The following NAALADL1 variants were observed in gnomAD, a reference collection of about 807,000 sequenced individuals.
NAALADL1 encodes the protein N-acetylated alpha-linked acidic dipeptidase like 1, also known as aminopeptidase NAALADL1.
In NAALADL1, 77 loss-of-function variants were observed where a neutral mutation model predicts 82.8. The ratio of observed to expected loss-of-function variants is 0.93; its 90% CI spans 0.77 to 1.12. The LOEUF is 1.12. Among genes scored for constraint, NAALADL1 ranks in the 50% most tolerant of loss-of-function variants. The probability of loss-of-function intolerance (pLI) is 0.00; values close to 1 mark genes in which losing one functional copy is unlikely to be tolerated. For synonymous variants in NAALADL1, 358 were observed against 399.2 expected, an observed-to-expected ratio of 0.90 and a Z score of 1.23; for missense variants, 956 against 964.0, an observed-to-expected ratio of 0.99 and a Z score of 0.11.
Position 65,047,458 on chromosome 11 carries a change from G to A in NAALADL1, c.1599+17C>T, listed in dbSNP as rs748895817. On this transcript the variant is annotated intron_variant, in intron 13 of 17. Coordinates refer to ENST00000358658, the MANE Select transcript of NAALADL1 (RefSeq NM_005468.3). ...GCAGCAAGGTACCGAGGCAGGGACG[G>A]AGGGGCGCCTGCTCACCCGGTCATA... The A allele has an allele frequency of 6.4e-7, 1 of 1,553,160 alleles. No individual in the cohort carries two copies. Among genetic ancestry groups the A allele is most frequent in the Non-Finnish European group, 8.7e-7 (1 of 1,147,590 alleles).
In NAALADL1 at chr11:65,045,927, C is replaced by T. The variant is rs1946710487; in HGVS notation, c.1944-13G>A. 6.2e-7 allele frequency: 1 copy of T among 1,613,306 alleles called. No homozygotes were observed. Among genetic ancestry groups the T allele is most frequent in the African/African-American group, 1.3e-5 (1 of 74,920 alleles). On this transcript the variant is annotated splice_polypyrimidine_tract_variant and intron_variant, in intron 16 of 17. Transcript: ENST00000358658. ...GACCTGCAGGGGGCTGGTGGGGAGGCAGGAACTGCCAGTCACCCTGGAGCC... is the reference window on the plus strand; with the variant it reads ...GACCTGCAGGGGGCTGGTGGGGAGGTAGGAACTGCCAGTCACCCTGGAGCC...
chr11:65,057,608 C>T lies in NAALADL1; in HGVS notation c.481-115G>A, dbSNP rs1251455617. 5.0e-6 allele frequency: 7 copies of T among 1,404,666 alleles called. No homozygotes were observed. In the South Asian group the frequency reaches 5.7e-5, roughly 11 times the overall value. The allele number at this position is 1,404,666 out of a possible 1,614,324, so 87.0% of individuals were successfully genotyped here. On this transcript the variant is annotated intron_variant, in intron 3 of 17. Coordinates refer to ENST00000358658, the MANE Select transcript of NAALADL1 (RefSeq NM_005468.3). ...ATTTAGATTCTGTTCCCCCACCTCA[C>T]CCAGAGCTTGTAAGCTCCCCAAGAA... is the stretch of plus-strand genomic sequence containing the variant.
Position 65,045,244 on chromosome 11 carries a change from G to T in NAALADL1, c.*27C>A. The T allele has an allele frequency of 6.3e-7, 1 of 1,599,746 alleles. No homozygotes were observed. Among genetic ancestry groups the T allele is most frequent in the Non-Finnish European group, 8.5e-7 (1 of 1,171,926 alleles). On this transcript the variant is annotated 3_prime_UTR_variant, in exon 18 of 18. Coordinates refer to ENST00000358658, the MANE Select transcript of NAALADL1 (RefSeq NM_005468.3). ...GCAGGCAGGAGAGGGTTGGAGTAAA[G>T]GGAGGGCTGAAGAAAGAGGGCTGGG...
Position 65,058,515 on chromosome 11 carries a change from A to G in NAALADL1, c.7T>C (p.Trp3Arg). ...AGCCCCAGCCCCAACACCTTCGTCC[A>G]CTGCATCCTGCGGACTCTTGGCCAG... MQWTKVLGLGLGA... is the reference protein window; with the variant it reads MQRTKVLGLGLGA... Residue 3 changes from tryptophan to arginine, a missense_variant, in exon 1 of 18, where the codon TGG (tryptophan) becomes CGG (arginine). Trp to Arg is a moderately radical substitution (Grantham distance 101). Coordinates refer to ENST00000358658, the MANE Select transcript of NAALADL1 (RefSeq NM_005468.3). 1.3e-6 allele frequency: 2 copies of G among 1,595,182 alleles called. No homozygotes were observed. Among genetic ancestry groups the G allele is most frequent in the Non-Finnish European group, 8.5e-7 (1 of 1,171,072 alleles).
intron 17 of NAALADL1, 123 bp from the exon 18 acceptor site, chr11:65,045,580 T>C: frequency 9.0e-7 from 1 of 1,108,686 alleles, no homozygotes; most frequent in Non-Finnish European, 1.3e-6. Flanking sequence ...CGTCCACTTG[T>C]CTCTGAAGGC....
rs1208804594 is a variant in NAALADL1, at chr11:65,053,330, G to A, written c.1086C>T (p.Tyr362=). Reference sequence around the variant, plus strand: ...TGTCTCGGTGGTTCCCATACAGCACGTAGCGATCTGGCCAGAGGAAAAGGG... The same window carrying A: ...TGTCTCGGTGGTTCCCATACAGCACATAGCGATCTGGCCAGAGGAAAAGGG... ...IIRGAVEPDR[Y]VLYGNHRDSW... The change falls in exon 8 of 18, where the codon TAC becomes TAT. Residue 362 remains tyrosine (Y), a synonymous_variant. Coordinates refer to ENST00000358658, the MANE Select transcript of NAALADL1 (RefSeq NM_005468.3). The surrounding 1 kb of genome is among the most constrained non-coding windows in gnomAD (Gnocchi z 4.3). The A allele has an allele frequency of 2.1e-5, 33 of 1,571,362 alleles. 1 individual carries two copies. The highest frequency in any genetic ancestry group is 2.6e-5 in the Non-Finnish European group (30 of 1,159,946).
upstream of NAALADL1, among the ~76,000 whole-genome samples, chr11:65,060,982 C>T (rs562080824): frequency 2.7e-4 from 41 of 152,306 alleles, no homozygotes; most frequent in African/African-American, 8.2e-4. Context: ...CCGTCCCACC[C>T]TCCTTCACCT....
intron 8 of NAALADL1, among the ~76,000 whole-genome samples, chr11:65,049,802 G>T (rs1946836838): frequency 6.6e-6 from 1 of 152,170 alleles, no homozygotes; most frequent in Admixed American, 6.5e-5. Flanking sequence ...GAGCCCAGGA[G>T]GTCGAGCAAG....
At chr11:65,049,967 C>T (rs988980824) in intron 8 of NAALADL1, among the ~76,000 whole-genome samples, 23 of 151,622 alleles carry the variant, frequency 1.5e-4, no homozygotes, top group Non-Finnish European at 8.8e-5. Context: ...CCTCTGCCCC[C>T]CAGGTTCAAG....
intron 4 of NAALADL1, among the ~76,000 whole-genome samples, chr11:65,055,901 T>C (rs1272758440): frequency 6.6e-6 from 1 of 151,464 alleles, no homozygotes. Flanking sequence ...TTTTTTTTTT[T>C]TGAGATGAGG....
chr11:65,048,757 C>T (rs1946810011), intron 8 of NAALADL1, among the ~76,000 whole-genome samples: 1 of 152,198 alleles, frequency 6.6e-6, no homozygotes, highest in Non-Finnish European at 1.5e-5. Context: ...CCACGTGGAA[C>T]CAATCCCTAC....
chr11:65,048,176 T>C lies in NAALADL1; in HGVS notation c.1324A>G (p.Ile442Val). The change falls in exon 10 of 18, where the codon ATC (isoleucine) becomes GTC (valine). Residue 442 changes from isoleucine (I) to valine (V), a missense_variant. Ile to Val is a conservative substitution (Grantham distance 29). Coordinates refer to ENST00000358658, the MANE Select transcript of NAALADL1 (RefSeq NM_005468.3). ...NKLQERTVAY[I>V]NVDISVFANA... Reference sequence around the variant, plus strand: ...CCAAACACCGAGATGTCCACGTTGATGTAGGCCACCGTGCGCTCCTGCAGC... The same window carrying C: ...CCAAACACCGAGATGTCCACGTTGACGTAGGCCACCGTGCGCTCCTGCAGC... 1.2e-6 allele frequency: 2 copies of C among 1,613,658 alleles called. No individual in the cohort carries two copies. The highest frequency in any genetic ancestry group is 1.3e-5 in the African/African-American group (1 of 74,862).
chr11:65,047,599 C>T, intron 12 of NAALADL1, 34 bp from the exon 13 acceptor site: 1 of 1,577,896 alleles, frequency 6.3e-7, no homozygotes, highest in Non-Finnish European at 8.6e-7. Context: ...ATAAAGAGCG[C>T]TGGGCCGGAC....
chr11:65,046,143 TG>T, intron 15 of NAALADL1, 29 bp from the exon 16 acceptor site: 2 of 1,614,106 alleles, frequency 1.2e-6, no homozygotes, highest in Non-Finnish European at 1.7e-6. Context: ...GGCTCAGTCA[TG>T]GGGGTGCAGG....
chr11:65,045,546 C>G (rs953505341), intron 17 of NAALADL1, 89 bp from the exon 18 acceptor site: 1 of 1,362,710 alleles, frequency 7.3e-7, no homozygotes, highest in African/African-American at 1.5e-5. Flanking sequence ...AGCTCCTGTA[C>G]GCAGCGAGGC....
In NAALADL1 at chr11:65,045,433, C is replaced by G. The variant is rs374007106; in HGVS notation, c.2061G>C (p.Thr687=). 8 of 1,610,870 alleles carry G rather than the reference C, an allele frequency of 5.0e-6. No individual in the cohort carries two copies. Among genetic ancestry groups the G allele is most frequent in the Non-Finnish European group, 6.8e-6 (8 of 1,178,384 alleles). ...GGCCCGGGAATGTGACTACGGAGCCCGTGCGAGGTGCCCAGAGCACATGGC... is the reference window on the plus strand; with the variant it reads ...GGCCCGGGAATGTGACTACGGAGCCGGTGCGAGGTGCCCAGAGCACATGGC... ...YYSHVLWAPR[T]GSVVTFPGLS... is the part of the protein sequence containing the mutation. Residue 687 remains threonine (T), a synonymous_variant, in exon 18 of 18, where the codon ACG becomes ACC. Transcript: ENST00000358658.
intron 4 of NAALADL1, among the ~76,000 whole-genome samples, chr11:65,055,885 C>CTT (rs796440563): frequency 1.6e-4 from 22 of 135,448 alleles, no homozygotes; most frequent in South Asian, 7.0e-4. Flanking sequence ...TTATGGACAC[C>CTT]TTTTTTTTTT....
chr11:65,048,395 G>C lies in NAALADL1; in HGVS notation c.1199-10C>G, dbSNP rs200793637. On this transcript the variant is annotated splice_polypyrimidine_tract_variant and intron_variant, in intron 8 of 17. Transcript: ENST00000358658. The stretch of plus-strand genomic sequence containing the variant: ...CGAGGACGCCAGGTGCCTGGGAATG[G>C]GGGATAGAGGGTTGGAGGACAGGGT... 99 of 1,614,062 alleles carry C rather than the reference G, an allele frequency of 6.1e-5. No individual in the cohort carries two copies. The highest frequency in any genetic ancestry group is 1.2e-4 in the Admixed American group (7 of 60,016).
At chr11:65,057,251 C>CT in intron 4 of NAALADL1, 120 bp downstream of exon 4, 4 of 1,438,040 alleles carry the variant, frequency 2.8e-6, no homozygotes, top group Non-Finnish European at 3.7e-6. Flanking sequence ...CTGCCCCACC[C>CT]TGGGGCTTGG....
Sources: gnomAD v4.1 joint callset for allele counts (sites outside exome capture counted in the v4.1 genomes callset) on GRCh38, gnomAD v4.1.1 for gene constraint, Gnocchi (gnomAD v3.1) non-coding constraint, MANE v1.5 for transcripts, NCBI Gene and HGNC (gene_info 2026-07-23, HGNC 2026-07-21) for gene names.